ZDHHC7: variants seen among roughly 807,000 people sequenced by gnomAD.
ZDHHC7 encodes zDHHC palmitoyltransferase 7, also known as palmitoyltransferase ZDHHC7.
Under a neutral mutation model 34.1 loss-of-function variants are expected in ZDHHC7, and 12 were observed. The ratio of observed to expected loss-of-function variants is 0.35; its 90% CI spans 0.23 to 0.57. The LOEUF is 0.57. ZDHHC7 is among the 20% of genes least tolerant of loss of function. ZDHHC7 has a pLI of 0.84. For missense variants in ZDHHC7, 388 were observed against 402.7 expected (o/e 0.96, Z 0.31); for synonymous variants, 185 against 155.4 (o/e 1.19, Z -1.42).
intron 3 of ZDHHC7, chr16:84,988,761 A>C: frequency 6.4e-7 from 1 of 1,551,270 alleles, no homozygotes; most frequent in Non-Finnish European, 8.7e-7. Flanking sequence ...CCCCACACTC[A>C]CAAGCAGGAG....
the ZDHHC7 span, among the ~76,000 whole-genome samples, chr16:85,024,378 C>T: frequency 1.0e-3 from 153 of 150,926 alleles, no homozygotes; most frequent in Non-Finnish European, 1.8e-3. Context: ...ATTATAGGCA[C>T]GCGCCACCAT....
chr16:85,021,733 AAG>A, the ZDHHC7 span, among the ~76,000 whole-genome samples: 2 of 150,966 alleles, frequency 1.3e-5, no homozygotes, highest in Non-Finnish European at 3.0e-5. Flanking sequence ...AAGAAAGAAA[AAG>A]AGAGAAAGAG....
At chr16:85,003,851 AG>A (rs2072682909) in intron 1 of ZDHHC7, among the ~76,000 whole-genome samples, 1 of 152,094 alleles carries the variant, frequency 6.6e-6, no homozygotes, top group South Asian at 2.1e-4. Context: ...CTCAGGAGTG[AG>A]GGGCCTGGGG....
At position 84,988,900 on chromosome 16, in the gene ZDHHC7, C is replaced by G. The variant is rs541700848; in HGVS notation, c.315+1404G>C. On this transcript the variant is annotated intron_variant, in intron 3 of 7. Coordinates refer to ENST00000313732, the MANE Select transcript of ZDHHC7 (RefSeq NM_017740.3). Reference sequence around the variant, plus strand: ...TACAAGGCAATATTCCAGTAAAAATCGCTGAGCTGGACCTGGCCCTGTAGC... The same window carrying G: ...TACAAGGCAATATTCCAGTAAAAATGGCTGAGCTGGACCTGGCCCTGTAGC... The G allele has an allele frequency of 1.1e-4, 168 of 1,549,470 alleles. No homozygotes were observed. In the South Asian group the frequency reaches 1.9e-3, roughly 17 times the overall value.
At chr16:84,989,993 G>A (rs947475476) in intron 3 of ZDHHC7, among the ~76,000 whole-genome samples, 2 of 152,100 alleles carry the variant, frequency 1.3e-5, no homozygotes, top group African/African-American at 2.4e-5. Flanking sequence ...AGATCTGTAC[G>A]ATCGGCCCGA....
At chr16:84,989,384 C>T (rs2072478469) in intron 3 of ZDHHC7, among the ~76,000 whole-genome samples, 1 of 152,132 alleles carries the variant, frequency 6.6e-6, no homozygotes, top group African/African-American at 2.4e-5. Flanking sequence ...TGAGCTGATC[C>T]GTTTCAGTTT....
chr16:85,025,048 A>G, the ZDHHC7 span, among the ~76,000 whole-genome samples: 4 of 152,072 alleles, frequency 2.6e-5, no homozygotes, highest in Admixed American at 6.6e-5. Flanking sequence ...AGGCCGAGGT[A>G]GGTGGATCAC....
chr16:84,987,472 T>A (rs1341561527), intron 3 of ZDHHC7, among the ~76,000 whole-genome samples: 1 of 151,756 alleles, frequency 6.6e-6, no homozygotes, highest in Non-Finnish European at 1.5e-5. Flanking sequence ...ATCATTCCCT[T>A]CCCCACAAGA....
At chr16:85,026,951 T>C in the ZDHHC7 span, among the ~76,000 whole-genome samples, 1 of 152,302 alleles carries the variant, frequency 6.6e-6, no homozygotes, top group East Asian at 1.9e-4. Context: ...AGGGAGGGGC[T>C]GTCAGTTTAT....
intron 1 of ZDHHC7, among the ~76,000 whole-genome samples, chr16:85,010,899 G>A (rs910235787): frequency 3.9e-5 from 6 of 152,250 alleles, no homozygotes; most frequent in African/African-American, 1.4e-4. Context: ...CGAAGTGCGA[G>A]ACTGCTCATT....
At chr16:85,024,095 T>A in the ZDHHC7 span, among the ~76,000 whole-genome samples, 1 of 151,862 alleles carries the variant, frequency 6.6e-6, no homozygotes, top group Non-Finnish European at 1.5e-5. Context: ...TTTTTGTATT[T>A]TTAGTAGAGA....
Position 84,977,105 on chromosome 16 carries a change from T to G in ZDHHC7, c.740A>C (p.Asn247Thr). 1 of 1,614,202 alleles carries G rather than the reference T, an allele frequency of 6.2e-7. No homozygotes were observed. The highest frequency in any genetic ancestry group is 8.5e-7 in the Non-Finnish European group (1 of 1,180,036). ...MFGTQIHSIC[N>T]DETEIERLKS... ...GAGAACAAAGCTTACCGTCTCGTCG[T>G]TGCATATGGAGTGGATTTGGGTGCC... Residue 247 changes from asparagine (N) to threonine (T), a missense_variant, in exon 7 of 8, where the codon AAC becomes ACC. By Grantham distance (65) the Asn-to-Thr change is moderately conservative. Transcript: ENST00000313732.
intron 1 of ZDHHC7, among the ~76,000 whole-genome samples, chr16:84,999,955 G>A (rs533777633): frequency 6.6e-6 from 1 of 152,118 alleles, no homozygotes; most frequent in Admixed American, 6.5e-5. Flanking sequence ...ACTAATCTGG[G>A]CAACATGGCA....
the ZDHHC7 span, among the ~76,000 whole-genome samples, chr16:85,025,746 C>T: frequency 3.3e-4 from 51 of 152,340 alleles, no homozygotes; most frequent in Admixed American, 1.8e-3. Flanking sequence ...GAGTTTCCAT[C>T]ACTATAACTG....
Position 84,975,538 on chromosome 16 carries a change from A to G in ZDHHC7, c.*805T>C, listed in dbSNP as rs1010237270. 1 of 152,628 alleles carries G rather than the reference A, an allele frequency of 6.6e-6. No homozygotes were observed. Among genetic ancestry groups the G allele is most frequent in the Non-Finnish European group, 1.5e-5 (1 of 68,034 alleles). The allele number at this position is 152,628 out of a possible 1,614,324, so 9.5% of individuals were successfully genotyped here. A position where few individuals can be genotyped will look rare whatever the true frequency, so the allele number is the denominator to read the frequency against. On this transcript the variant is annotated 3_prime_UTR_variant, in exon 8 of 8. Transcript: ENST00000313732. ...GAGGGCAACGAAGGGCCGCACAGGA[A>G]CGGCTGTTCTTTGGATCGAGATGTC...
At chr16:85,019,954 C>T in the ZDHHC7 span, among the ~76,000 whole-genome samples, 1 of 152,176 alleles carries the variant, frequency 6.6e-6, no homozygotes, top group Non-Finnish European at 1.5e-5. Context: ...TCCTCACCAC[C>T]CTGTGAAATC....
At chr16:84,981,753 T>C (rs1029282800) in intron 4 of ZDHHC7, 117 bp downstream of exon 4, 4 of 1,575,644 alleles carry the variant, frequency 2.5e-6, no homozygotes, top group Admixed American at 1.7e-5. Flanking sequence ...CCGTACAACG[T>C]TGCCCAGATG....
intron 1 of ZDHHC7, among the ~76,000 whole-genome samples, chr16:84,999,418 C>T (rs1206635968): frequency 6.6e-6 from 1 of 152,172 alleles, no homozygotes; most frequent in African/African-American, 2.4e-5. Context: ...TTGTCCGATA[C>T]TGTTCACAGC....
At position 84,976,152 on chromosome 16, in the gene ZDHHC7, AC is replaced by A. The variant is rs1235696882; in HGVS notation, c.*190del. 3 of 695,486 alleles carry A rather than the reference AC, an allele frequency of 4.3e-6. No homozygotes were observed. Among genetic ancestry groups the A allele is most frequent in the East Asian group, 5.8e-5 (2 of 34,422 alleles). The allele number at this position is 695,486 out of a possible 1,614,324, so 43.1% of individuals were successfully genotyped here. A position where few individuals can be genotyped will look rare whatever the true frequency, so the allele number is the denominator to read the frequency against. On this transcript the variant is annotated 3_prime_UTR_variant, in exon 8 of 8. Transcript: ENST00000313732. ...TGGCCACACACCTTTCCGTTGTTGTACAGGTGGGGACTGAGAGCCTCTTCCT... is the reference window on the plus strand; with the variant it reads ...TGGCCACACACCTTTCCGTTGTTGTAAGGTGGGGACTGAGAGCCTCTTCCT...
Sources: gnomAD v4.1 joint callset for allele counts (sites outside exome capture counted in the v4.1 genomes callset) on GRCh38, gnomAD v4.1.1 for gene constraint, MANE v1.5 for transcripts, NCBI Gene and HGNC (gene_info 2026-07-23, HGNC 2026-07-21) for gene names.